The following INSC variants were observed in gnomAD, a reference collection of about 807,000 sequenced individuals.
The protein encoded by INSC is protein inscuteable homolog.
Under a neutral mutation model 58.6 loss-of-function variants are expected in INSC, and 67 were observed. The observed-to-expected ratio is 1.14, with a 90% CI of 0.94 to 1.40. The LOEUF (loss-of-function observed/expected upper bound fraction) is 1.40, where lower values mean the gene tolerates loss of function less well. Among genes scored for constraint, INSC ranks in the 40% most tolerant of loss-of-function variants. The pLI is 0.00. For missense variants in INSC, 714 were observed against 692.0 expected, an observed-to-expected ratio of 1.03 and a Z score of -0.36; for synonymous variants, 262 against 276.1, an observed-to-expected ratio of 0.95 and a Z score of 0.51.
the INSC span, among the ~76,000 whole-genome samples, chr11:15,268,069 T>C: frequency 2.0e-5 from 3 of 152,020 alleles, no homozygotes; most frequent in African/African-American, 7.2e-5. Flanking sequence ...CCTTGCACTG[T>C]AGCCTGGAAA....
chr11:15,166,668 G>T (rs1317659869), intron 2 of INSC, among the ~76,000 whole-genome samples: 4 of 152,190 alleles, frequency 2.6e-5, no homozygotes, highest in Non-Finnish European at 4.4e-5. Flanking sequence ...GGCATACTAT[G>T]CATGTCTCCC....
At chr11:15,115,059 C>T (rs1847659270) in intron 1 of INSC, 56 bp downstream of exon 1, 1 of 966,882 alleles carries the variant, frequency 1.0e-6, no homozygotes, top group South Asian at 4.8e-5. Context: ...CTCTGCTAGC[C>T]TAGTTGGGAA....
chr11:15,181,045 C>T lies in INSC; in HGVS notation c.579+2598C>T, dbSNP rs1190667981. ...ATTATACCAGGATCTTACATTTGTG[C>T]CGTCTTGATGTAAATGAAATCAAAT... On this transcript the variant is annotated intron_variant, in intron 5 of 12. Coordinates refer to ENST00000379556, the MANE Select transcript of INSC (RefSeq NM_001042536.3). Among the ~76,000 whole-genome samples the T allele has an allele frequency of 2.0e-5, 3 of 152,154 alleles. No homozygotes were observed. The East Asian group carries it at 5.8e-4, about 29-fold the overall frequency.
At chr11:15,144,924 TC>T (rs1848456512) in intron 1 of INSC, among the ~76,000 whole-genome samples, 1 of 152,162 alleles carries the variant, frequency 6.6e-6, no homozygotes, top group African/African-American at 2.4e-5. Context: ...ACTAGTCACT[TC>T]TGGTGGGAGC....
At chr11:15,146,380 G>A (rs1564868306) in intron 1 of INSC, among the ~76,000 whole-genome samples, 1 of 152,070 alleles carries the variant, frequency 6.6e-6, no homozygotes, top group Non-Finnish European at 1.5e-5. Flanking sequence ...ATCCTTTTGG[G>A]GCAAAGAGGC....
chr11:15,143,255 C>G (rs1848415177), intron 1 of INSC, among the ~76,000 whole-genome samples: 1 of 152,076 alleles, frequency 6.6e-6, no homozygotes, highest in South Asian at 2.1e-4. Context: ...AGGAGAAATA[C>G]CGAGGGGACT....
intron 1 of INSC, among the ~76,000 whole-genome samples, chr11:15,139,230 G>A (rs749285347): frequency 6.6e-6 from 1 of 152,146 alleles, no homozygotes; most frequent in Non-Finnish European, 1.5e-5. Flanking sequence ...CACCACGTTG[G>A]AGCGATTCAA....
chr11:15,141,904 G>T (rs4757291), intron 1 of INSC, among the ~76,000 whole-genome samples: 53,326 of 151,526 alleles, frequency 0.35, 10,057 homozygotes, highest in East Asian at 0.6. Flanking sequence ...TTACTTTCTG[G>T]AGTTCATCCA....
chr11:15,250,376 G>T (rs572808441), downstream of INSC, among the ~76,000 whole-genome samples: 1 of 152,332 alleles, frequency 6.6e-6, no homozygotes, highest in East Asian at 1.9e-4. Context: ...TTGTATGGAA[G>T]TTCTTAGTAA....
At chr11:15,247,812 A>G (rs1455350400), downstream of INSC, among the ~76,000 whole-genome samples, 1 of 149,686 alleles carries the variant, frequency 6.7e-6, no homozygotes, top group African/African-American at 2.4e-5. Flanking sequence ...TATGATATCA[A>G]CAGACAACTT....
At chr11:15,180,984 C>G (rs1849758229) in intron 5 of INSC, among the ~76,000 whole-genome samples, 1 of 152,186 alleles carries the variant, frequency 6.6e-6, no homozygotes, top group Non-Finnish European at 1.5e-5. Context: ...GTTTCTTAAA[C>G]TAGTGACTCA....
At chr11:15,207,647 G>A (rs899790494) in intron 7 of INSC, among the ~76,000 whole-genome samples, 3 of 152,174 alleles carry the variant, frequency 2.0e-5, no homozygotes, top group East Asian at 1.9e-4. Context: ...GGCTGCAAGC[G>A]GGAATGGTGG....
intron 5 of INSC, among the ~76,000 whole-genome samples, chr11:15,181,408 A>C (rs1945634): frequency 0.012 from 1,796 of 152,170 alleles, 49 homozygotes; most frequent in African/African-American, 0.042. Context: ...AGAGGAACAA[A>C]TCTCCCCACC....
intron 7 of INSC, among the ~76,000 whole-genome samples, chr11:15,211,066 G>C (rs991135977): frequency 6.6e-6 from 1 of 152,200 alleles, no homozygotes; most frequent in Admixed American, 6.5e-5. Flanking sequence ...AAAAGGGGAA[G>C]AGACTTACTG....
Position 15,225,645 on chromosome 11 carries a change from T to A in INSC, c.992-5T>A, listed in dbSNP as rs774541057. 5 of 1,613,490 alleles carry A rather than the reference T, an allele frequency of 3.1e-6. No individual in the cohort carries two copies. Among genetic ancestry groups the A allele is most frequent in the Non-Finnish European group, 4.2e-6 (5 of 1,179,718 alleles). ...GAAGTTATTTTCTTTCTCTTTGCCA[T>A]CCAGAACTGTGCCAAGAGGCCTCAT... On this transcript the variant is annotated splice_region_variant and splice_polypyrimidine_tract_variant and intron_variant, in intron 8 of 12. Coordinates refer to ENST00000379556, the MANE Select transcript of INSC (RefSeq NM_001042536.3).
intron 7 of INSC, among the ~76,000 whole-genome samples, chr11:15,204,713 G>A (rs891513325): frequency 2.0e-5 from 3 of 152,232 alleles, no homozygotes; most frequent in African/African-American, 4.8e-5. Flanking sequence ...CCCACTCACC[G>A]GGCATGGTTC....
the INSC span, among the ~76,000 whole-genome samples, chr11:15,261,591 G>A: frequency 6.6e-6 from 1 of 152,114 alleles, no homozygotes; most frequent in Non-Finnish European, 1.5e-5. Flanking sequence ...GAAGTTAGGT[G>A]GTAACTACTA....
At chr11:15,198,679 T>TACATATATATTTAAATATATATCC (rs1850463505) in intron 6 of INSC, among the ~76,000 whole-genome samples, 1 of 152,052 alleles carries the variant, frequency 6.6e-6, no homozygotes, top group African/African-American at 2.4e-5. Context: ...CATATATATG[T>TACATATATATTTAAATATATATCC]ATATATATTT....
intron 1 of INSC, among the ~76,000 whole-genome samples, chr11:15,135,833 C>T (rs554073403): frequency 1.3e-5 from 2 of 152,292 alleles, no homozygotes; most frequent in South Asian, 2.1e-4. Flanking sequence ...TATTGGCTTA[C>T]AGTTCTGGAG....
Sources: allele counts gnomAD v4.1 joint callset (sites outside exome capture counted in the v4.1 genomes callset), GRCh38; gene constraint gnomAD v4.1.1; transcripts MANE v1.5; gene names NCBI Gene and HGNC (gene_info 2026-07-23, HGNC 2026-07-21).